CCSER1: variants seen among roughly 807,000 people sequenced by gnomAD.
The protein encoded by CCSER1 is serine-rich coiled-coil domain-containing protein 1.
In CCSER1, 41 loss-of-function variants were observed where a neutral mutation model predicts 82.0. That is an observed-to-expected ratio of 0.50 (90% CI 0.39 to 0.65). CCSER1 has a LOEUF of 0.65. Ranked by LOEUF, CCSER1 falls within the 30% of genes least tolerant of loss-of-function variation. The pLI is 0.00. For missense variants in CCSER1, 1,119 were observed against 1,064.2 expected (o/e 1.05, Z -0.72); for synonymous variants, 414 against 383.9 (o/e 1.08, Z -0.92).
intron 3 of CCSER1, among the ~76,000 whole-genome samples, chr4:90,349,462 T>A (rs530377307): frequency 3.3e-5 from 5 of 152,202 alleles, no homozygotes; most frequent in African/African-American, 1.2e-4. Flanking sequence ...GAATTTACTT[T>A]TCTATCTTGT....
chr4:90,161,552 T>C (rs1729441955), intron 1 of CCSER1, among the ~76,000 whole-genome samples: 1 of 152,108 alleles, frequency 6.6e-6, no homozygotes, highest in African/African-American at 2.4e-5. Flanking sequence ...ATCTCAGATC[T>C]CTTTTTTTAA....
intron 10 of CCSER1, among the ~76,000 whole-genome samples, chr4:91,120,567 G>GT (rs1258382227): frequency 1.3e-5 from 2 of 151,678 alleles, no homozygotes; most frequent in African/African-American, 2.4e-5. Flanking sequence ...TAGCTTTAAA[G>GT]TTTTTTTTGA....
intron 6 of CCSER1, among the ~76,000 whole-genome samples, chr4:90,697,676 A>G (rs2149261525): frequency 6.6e-6 from 1 of 152,262 alleles, no homozygotes; most frequent in South Asian, 2.1e-4. Flanking sequence ...CATTTAACAT[A>G]ATGATTCTGA....
chr4:91,324,526 T>C (rs1746415751), intron 10 of CCSER1, among the ~76,000 whole-genome samples: 1 of 152,058 alleles, frequency 6.6e-6, no homozygotes, highest in Admixed American at 6.5e-5. Context: ...AAATATTACA[T>C]AGAACAATAT....
intron 9 of CCSER1, among the ~76,000 whole-genome samples, chr4:90,969,734 C>T (rs1734908005): frequency 6.6e-6 from 1 of 151,684 alleles, no homozygotes; most frequent in Non-Finnish European, 1.5e-5. Context: ...CATATGAAAG[C>T]ATAAAACTCA....
intron 10 of CCSER1, among the ~76,000 whole-genome samples, chr4:91,509,747 T>A (rs1043269805): frequency 6.6e-6 from 1 of 152,152 alleles, no homozygotes; most frequent in African/African-American, 2.4e-5. Flanking sequence ...TCATTCCAGC[T>A]TTTTTGGTTG....
rs577701783 is a variant in CCSER1 at position 91,140,277 on chromosome 4, C to A, written c.2217+54283C>A. Among the ~76,000 whole-genome samples, 27 of 151,596 alleles carry A rather than the reference C, an allele frequency of 1.8e-4. 1 individual carries two copies. The highest frequency in any genetic ancestry group is 3.9e-3 in the Middle Eastern group (1 of 258). On this transcript the variant is annotated intron_variant, in intron 10 of 10. Coordinates refer to ENST00000509176, the MANE Select transcript of CCSER1 (RefSeq NM_001145065.2). ...AGCAGAAAATAAAAGGATTTTAATT[C>A]ATTTTTGTGTGATTATTATAGCTGC...
intron 1 of CCSER1, among the ~76,000 whole-genome samples, chr4:90,251,884 G>C (rs767773582): frequency 2.6e-4 from 39 of 151,304 alleles, no homozygotes; most frequent in African/African-American, 9.0e-4. Context: ...CATTTTTCTT[G>C]CTTGTTCTTT....
intron 4 of CCSER1, among the ~76,000 whole-genome samples, chr4:90,457,617 C>A (rs570918465): frequency 6.6e-6 from 1 of 152,290 alleles, no homozygotes; most frequent in South Asian, 2.1e-4. Flanking sequence ...TCCCCACAGG[C>A]AGGTTGTCCT....
chr4:90,178,667 A>T (rs565364765), intron 1 of CCSER1, among the ~76,000 whole-genome samples: 1 of 152,154 alleles, frequency 6.6e-6, no homozygotes, highest in Admixed American at 6.6e-5. Context: ...GATAAACCAT[A>T]CCACATGAAT....
At chr4:90,631,200 C>G (rs1724354205) in intron 6 of CCSER1, among the ~76,000 whole-genome samples, 1 of 152,032 alleles carries the variant, frequency 6.6e-6, no homozygotes, top group Non-Finnish European at 1.5e-5. Context: ...GCCAAGTTCA[C>G]AGATTATTTT....
At chr4:91,312,002 G>A (rs1745514431) in intron 10 of CCSER1, among the ~76,000 whole-genome samples, 1 of 151,750 alleles carries the variant, frequency 6.6e-6, no homozygotes, top group African/African-American at 2.4e-5. Flanking sequence ...AAGTGAGGAG[G>A]AAATTATTCT....
At chr4:91,023,540 AAAAC>A (rs1387394898) in intron 9 of CCSER1, among the ~76,000 whole-genome samples, 1 of 152,224 alleles carries the variant, frequency 6.6e-6, no homozygotes, top group African/African-American at 2.4e-5. Flanking sequence ...AAACCTGACA[AAAAC>A]AAGCAATGGG....
chr4:91,587,850 A>G (rs1254718915), intron 10 of CCSER1, among the ~76,000 whole-genome samples: 2 of 151,732 alleles, frequency 1.3e-5, no homozygotes, highest in Non-Finnish European at 3.0e-5. Context: ...GGCAAGTCAC[A>G]CAGTCTCTCT....
chr4:90,723,067 A>G (rs1399573241), intron 6 of CCSER1, among the ~76,000 whole-genome samples: 1 of 151,996 alleles, frequency 6.6e-6, no homozygotes, highest in Non-Finnish European at 1.5e-5. Context: ...AAATGTAGGT[A>G]TATATTCTTT....
At chr4:90,822,513 G>T (rs1410106008) in intron 8 of CCSER1, among the ~76,000 whole-genome samples, 1 of 152,114 alleles carries the variant, frequency 6.6e-6, no homozygotes, top group Non-Finnish European at 1.5e-5. Flanking sequence ...CGAATCACGA[G>T]GTCAGGAGTT....
At chr4:90,907,334 A>T (rs923381253) in intron 8 of CCSER1, among the ~76,000 whole-genome samples, 7 of 152,136 alleles carry the variant, frequency 4.6e-5, no homozygotes, top group Admixed American at 4.6e-4. Context: ...CCTGACAAAT[A>T]GAATGTATCT....
chr4:90,424,817 AAGATTAACTT>A (rs1757307077), intron 4 of CCSER1, among the ~76,000 whole-genome samples: 1 of 152,182 alleles, frequency 6.6e-6, no homozygotes, highest in Non-Finnish European at 1.5e-5. Flanking sequence ...TAACAGATCC[AAGATTAACTT>A]TATTCTTCCT....
chr4:90,972,306 T>C (rs1735187071), intron 9 of CCSER1, among the ~76,000 whole-genome samples: 1 of 151,766 alleles, frequency 6.6e-6, no homozygotes. Flanking sequence ...AAAATCAACA[T>C]TAAAAATCAA....
Sources: allele counts gnomAD v4.1 joint callset (sites outside exome capture counted in the v4.1 genomes callset), GRCh38; gene constraint gnomAD v4.1.1; transcripts MANE v1.5; gene names NCBI Gene and HGNC (gene_info 2026-07-23, HGNC 2026-07-21).